Variants in RGS7 observed in about 807,000 individuals in gnomAD.
The protein encoded by RGS7 is regulator of G-protein signaling 7.
A neutral mutation model predicts 81.1 loss-of-function variants in RGS7; 27 were observed. That is an observed-to-expected ratio of 0.33 (90% CI 0.25 to 0.46). The LOEUF (loss-of-function observed/expected upper bound fraction) is 0.46. Among genes scored for constraint, RGS7 ranks in the 20% least tolerant of loss-of-function variants. The pLI is 1.00. For synonymous variants in RGS7, 208 were observed against 207.7 expected, an observed-to-expected ratio of 1.00 and a Z score of -0.01; for missense variants, 396 against 607.4, an observed-to-expected ratio of 0.65 and a Z score of 3.66.
chr1:240,832,682 G>A (rs1201950635), intron 9 of RGS7, among the ~76,000 whole-genome samples: 1 of 152,200 alleles, frequency 6.6e-6, no homozygotes, highest in African/African-American at 2.4e-5. Flanking sequence ...GCGACAGTGA[G>A]AGAGAGGAAT....
chr1:241,125,133 A>G (rs1323917670), intron 2 of RGS7, among the ~76,000 whole-genome samples: 1 of 152,156 alleles, frequency 6.6e-6, no homozygotes, highest in Admixed American at 6.5e-5. Context: ...GACAGTGTGA[A>G]GAAGTCTTAA....
At chr1:241,066,833 G>C (rs75560612) in intron 3 of RGS7, among the ~76,000 whole-genome samples, 1 of 152,156 alleles carries the variant, frequency 6.6e-6, no homozygotes, top group South Asian at 2.1e-4. Flanking sequence ...CCTTTAGCTC[G>C]CTATGTGAGG....
At chr1:241,040,036 G>C (rs1486960194) in intron 3 of RGS7, among the ~76,000 whole-genome samples, 4 of 152,074 alleles carry the variant, frequency 2.6e-5, no homozygotes, top group Admixed American at 6.5e-5. Context: ...TTCTTAATAT[G>C]CTATCCTAAG....
chr1:241,056,484 G>C (rs2148820565), intron 3 of RGS7, among the ~76,000 whole-genome samples: 2 of 152,196 alleles, frequency 1.3e-5, no homozygotes, highest in Middle Eastern at 6.8e-3. Flanking sequence ...CATTTCTCTG[G>C]TTTACTACTC....
chr1:241,341,892 T>C (rs2082574948), intron 2 of RGS7, among the ~76,000 whole-genome samples: 1 of 149,364 alleles, frequency 6.7e-6, no homozygotes. Flanking sequence ...TTTTTTTTTT[T>C]TTGAGACAGG....
At chr1:240,815,363 G>A (rs1690632274) in intron 11 of RGS7, among the ~76,000 whole-genome samples, 3 of 151,986 alleles carry the variant, frequency 2.0e-5, no homozygotes, top group Admixed American at 1.3e-4. Context: ...AAATAAAATT[G>A]TAGAGATTTT....
intron 6 of RGS7, among the ~76,000 whole-genome samples, chr1:240,908,168 G>A (rs1408485141): frequency 7.4e-6 from 1 of 134,696 alleles, no homozygotes; most frequent in Non-Finnish European, 1.6e-5. Context: ...TGGACACAGG[G>A]CGAGGAACAT....
At chr1:240,832,291 A>C (rs1220678473) in intron 9 of RGS7, among the ~76,000 whole-genome samples, 1 of 152,230 alleles carries the variant, frequency 6.6e-6, no homozygotes, top group Non-Finnish European at 1.5e-5. Flanking sequence ...TGTAAGGAAT[A>C]ATGAAATGCT....
chr1:240,890,941 C>T (rs1668192554), intron 6 of RGS7, among the ~76,000 whole-genome samples: 1 of 152,076 alleles, frequency 6.6e-6, no homozygotes, highest in Non-Finnish European at 1.5e-5. Context: ...CATTTTGCAC[C>T]AACCTAATGC....
At chr1:240,986,274 TTCC>T (rs1270430316) in intron 3 of RGS7, among the ~76,000 whole-genome samples, 1 of 152,190 alleles carries the variant, frequency 6.6e-6, no homozygotes, top group African/African-American at 2.4e-5. Context: ...AGCAGAATTC[TTCC>T]TCATCACACT....
At chr1:240,789,433 G>A (rs1032872226) in intron 18 of RGS7, among the ~76,000 whole-genome samples, 2 of 152,210 alleles carry the variant, frequency 1.3e-5, no homozygotes, top group African/African-American at 2.4e-5. Context: ...AACTCTGACT[G>A]CTGGTGAGCC....
intron 6 of RGS7, among the ~76,000 whole-genome samples, chr1:240,917,170 A>T (rs1672747677): frequency 6.6e-6 from 1 of 152,238 alleles, no homozygotes; most frequent in Non-Finnish European, 1.5e-5. Context: ...AATTATCAAA[A>T]GTGAAGGAAA....
chr1:240,917,978 A>G (rs1342104439), intron 6 of RGS7, among the ~76,000 whole-genome samples: 2 of 152,288 alleles, frequency 1.3e-5, no homozygotes, highest in East Asian at 3.9e-4. Flanking sequence ...TCAGACAAAG[A>G]CTCTAGAAAA....
intron 9 of RGS7, among the ~76,000 whole-genome samples, chr1:240,847,929 T>C (rs10926369): frequency 0.042 from 6,402 of 152,262 alleles, 440 homozygotes; most frequent in African/African-American, 0.15. Context: ...AGAACATCTA[T>C]TCATAGAATT....
At chr1:241,160,439 TAGCA>T (rs1417260115) in intron 2 of RGS7, among the ~76,000 whole-genome samples, 87 of 64,274 alleles carry the variant, frequency 1.4e-3, no homozygotes, top group Non-Finnish European at 2.5e-3. Flanking sequence ...GTGAAACATG[TAGCA>T]ATCAAGAAAC....
At chr1:241,344,261 C>T (rs1387054342) in intron 2 of RGS7, among the ~76,000 whole-genome samples, 1 of 152,140 alleles carries the variant, frequency 6.6e-6, no homozygotes, top group Non-Finnish European at 1.5e-5. Context: ...GTAAATGTTG[C>T]TTTATATTTA....
At chr1:241,091,453 C>T (rs1342330207) in intron 3 of RGS7, among the ~76,000 whole-genome samples, 2 of 151,690 alleles carry the variant, frequency 1.3e-5, no homozygotes, top group Non-Finnish European at 2.9e-5. Context: ...GAGGCTGAGG[C>T]AGGAGAATGG....
intron 2 of RGS7, among the ~76,000 whole-genome samples, chr1:241,106,866 G>A (rs1416553203): frequency 6.7e-6 from 1 of 148,952 alleles, no homozygotes; most frequent in African/African-American, 2.5e-5. Context: ...ATAAAGTAGA[G>A]GTTTTTTTTC....
chr1:240,798,498 T>C (rs183869332), intron 18 of RGS7, among the ~76,000 whole-genome samples: 114 of 152,314 alleles, frequency 7.5e-4, no homozygotes, highest in African/African-American at 2.5e-3. Flanking sequence ...GTTTATTTAT[T>C]TTTTGTCAGT....
Sources: gnomAD v4.1 joint callset for allele counts (sites outside exome capture counted in the v4.1 genomes callset) on GRCh38, gnomAD v4.1.1 for gene constraint, MANE v1.5 for transcripts, NCBI Gene and HGNC (gene_info 2026-07-23, HGNC 2026-07-21) for gene names.